GRIK4: variants seen among roughly 807,000 people sequenced by gnomAD.
The protein encoded by GRIK4 is glutamate ionotropic receptor kainate type subunit 4, also known as glutamate receptor ionotropic, kainate 4.
GRIK4 carries 40 observed loss-of-function variants against 104.9 expected under a neutral mutation model. The observed-to-expected ratio is 0.38, with a 90% CI of 0.30 to 0.50. The LOEUF is 0.50. GRIK4 is among the 20% of genes least tolerant of loss of function. GRIK4 has a pLI of 0.93. For missense variants in GRIK4, 1,047 were observed against 1,308.1 expected (o/e 0.80, Z 3.08); for synonymous variants, 485 against 524.9 (o/e 0.92, Z 1.04).
At chr11:120,948,894 T>A (rs534828844) in intron 14 of GRIK4, among the ~76,000 whole-genome samples, 1 of 152,328 alleles carries the variant, frequency 6.6e-6, no homozygotes, top group Admixed American at 6.5e-5. Flanking sequence ...ATTCCTTCCA[T>A]GTTATACAGG....
intron 7 of GRIK4, among the ~76,000 whole-genome samples, chr11:120,834,565 C>T (rs553085288): frequency 1.8e-4 from 28 of 152,050 alleles, no homozygotes; most frequent in African/African-American, 6.3e-4. Context: ...GTACTCTTCC[C>T]TCCAGGAGGG....
Position 120,952,969 on chromosome 11 carries a change from TCTC to T in GRIK4, c.1700+9_1700+11del. On this transcript the variant is annotated splice_donor_region_variant and intron_variant, in intron 15 of 20. Transcript: ENST00000527524. The surrounding 1 kb of genome is among the most constrained non-coding windows in gnomAD (Gnocchi z 5.2). Reference sequence around the variant, plus strand: ...TGTCCTCTTCCTGGTGGCTCGGTACTCTCCTCTTCCCTTCCCTGTCCTTACACC... The same window carrying T: ...TGTCCTCTTCCTGGTGGCTCGGTACTCTCTTCCCTTCCCTGTCCTTACACC... 2 of 1,580,718 alleles carry T rather than the reference TCTC, an allele frequency of 1.3e-6. No homozygotes were observed. The highest frequency in any genetic ancestry group is 8.7e-7 in the Non-Finnish European group (1 of 1,150,308).
At chr11:120,812,152 G>T (rs542051288) in intron 4 of GRIK4, among the ~76,000 whole-genome samples, 1 of 152,246 alleles carries the variant, frequency 6.6e-6, no homozygotes, top group Non-Finnish European at 1.5e-5. Flanking sequence ...CTGGCAGAGA[G>T]TGAGAAGGTC....
Position 120,831,999 on chromosome 11 carries a change from A to C in GRIK4, c.659A>C (p.Asn220Thr), listed in dbSNP as rs559735500. 1.9e-6 allele frequency: 3 copies of C among 1,613,310 alleles called. No individual in the cohort carries two copies. Among genetic ancestry groups the C allele is most frequent in the African/African-American group, 1.3e-5 (1 of 74,954 alleles). Residue 220 changes from asparagine (N) to threonine (T), a missense_variant, in exon 7 of 21, where the codon AAC becomes ACC. Physicochemically the swap from Asn to Thr is moderately conservative, Grantham distance 65. Around this residue, in one of 3 missense-constraint regions of GRIK4, gnomAD observed 447 missense variants for 514.9 expected, o/e 0.87. Transcript: ENST00000527524. ...DKTATIIIHANASMSHTILLK... is the reference protein window; with the variant it reads ...DKTATIIIHATASMSHTILLK... The stretch of plus-strand genomic sequence containing the variant: ...ACCGCCACCATCATCATCCACGCCA[A>C]CGCCTCCATGTCCCACACCATCCTC...
At chr11:120,949,388 A>G (rs1386897247) in intron 14 of GRIK4, among the ~76,000 whole-genome samples, 3 of 152,214 alleles carry the variant, frequency 2.0e-5, no homozygotes, top group East Asian at 1.9e-4. Context: ...GCTGTTGTCT[A>G]ATTTTCAATT....
Position 120,764,862 on chromosome 11 carries a change from G to A in GRIK4, c.83-37831G>A, listed in dbSNP as rs551096171. The stretch of plus-strand genomic sequence containing the variant: ...ATGGGCTTCCCTTTGTGGGTAACCC[G>A]ACCTTTCTCTCTGGCTGCCCTTAAC... On this transcript the variant is annotated intron_variant, in intron 3 of 20. Coordinates refer to ENST00000527524, the MANE Select transcript of GRIK4 (RefSeq NM_014619.5). 9.2e-5 allele frequency among the ~76,000 whole-genome samples: 14 copies of A among 152,252 alleles called. No individual in the cohort carries two copies. The East Asian group carries it at 9.7e-4, about 11-fold the overall frequency.
At chr11:120,639,103 G>GAGA (rs918752271) in intron 1 of GRIK4, among the ~76,000 whole-genome samples, 3 of 152,082 alleles carry the variant, frequency 2.0e-5, no homozygotes, top group Non-Finnish European at 4.4e-5. Context: ...GTGGAGGCAG[G>GAGA]AGAATTGCCT....
Position 120,511,850 on chromosome 11 carries a change from G to A in GRIK4, c.-196G>A. On this transcript the variant is annotated 5_prime_UTR_variant, in exon 1 of 21. Transcript: ENST00000527524. The stretch of plus-strand genomic sequence containing the variant: ...CCCCGCGGCCGGCCCGGCAGCGCCC[G>A]GCCCCCGGCTCAGCCCCCGGAGTGC... 5.7e-6 allele frequency: 2 copies of A among 348,118 alleles called. No homozygotes were observed. Among genetic ancestry groups the A allele is most frequent in the Non-Finnish European group, 1.2e-5 (2 of 171,018 alleles). The allele number at this position is 348,118 out of a possible 1,614,324, so 21.6% of individuals were successfully genotyped here.
At chr11:120,983,198 T>A (rs1240554563) in intron 20 of GRIK4, among the ~76,000 whole-genome samples, 1 of 152,160 alleles carries the variant, frequency 6.6e-6, no homozygotes, top group Non-Finnish European at 1.5e-5. Context: ...GCCCCTGTAT[T>A]TTTTTCTGCC....
chr11:120,855,539 C>A (rs1165088695), intron 8 of GRIK4, among the ~76,000 whole-genome samples: 1 of 150,612 alleles, frequency 6.6e-6, no homozygotes, highest in Non-Finnish European at 1.5e-5. Context: ...AATAGCCAGA[C>A]CAAGCAATTA....
chr11:120,608,195 C>G (rs1948985834), intron 1 of GRIK4, among the ~76,000 whole-genome samples: 1 of 152,172 alleles, frequency 6.6e-6, no homozygotes, highest in African/African-American at 2.4e-5. Context: ...GTCAGGAGGC[C>G]AGCAATGAGG....
intron 3 of GRIK4, among the ~76,000 whole-genome samples, chr11:120,700,986 G>A (rs898006713): frequency 6.6e-6 from 1 of 152,168 alleles, no homozygotes; most frequent in African/African-American, 2.4e-5. Flanking sequence ...CCAGTATTCA[G>A]TACAGTTACA....
intron 1 of GRIK4, among the ~76,000 whole-genome samples, chr11:120,579,130 G>A (rs1298964537): frequency 6.6e-6 from 1 of 152,192 alleles, no homozygotes; most frequent in Non-Finnish European, 1.5e-5. Context: ...TCCCAGCACT[G>A]AGGATCCAGC....
intron 8 of GRIK4, among the ~76,000 whole-genome samples, chr11:120,848,897 G>T (rs1388092853): frequency 6.6e-6 from 1 of 152,126 alleles, no homozygotes; most frequent in East Asian, 1.9e-4. Context: ...GGGACAGGGG[G>T]TGTGAGAACA....
At chr11:120,886,571 G>C (rs1042282613) in intron 11 of GRIK4, among the ~76,000 whole-genome samples, 1 of 152,174 alleles carries the variant, frequency 6.6e-6, no homozygotes, top group African/African-American at 2.4e-5. Flanking sequence ...ATGACCAGAG[G>C]CTCACAGGAA....
chr11:120,988,577 T>C lies in GRIK4; in HGVS notation c.*2317T>C, dbSNP rs1436420170. 1 of 152,230 alleles carries C rather than the reference T, an allele frequency of 6.6e-6. No individual in the cohort carries two copies. The highest frequency in any genetic ancestry group is 1.5e-5 in the Non-Finnish European group (1 of 68,048). The allele number at this position is 152,230 out of a possible 1,614,324, so 9.4% of individuals were successfully genotyped here. A position where few individuals can be genotyped will look rare whatever the true frequency, so the allele number is the denominator to read the frequency against. ...AAGACTGCCAGCACTAGACGGTTTC[T>C]GTTAGCTGCTGAGACCAGGGCCTCA... On this transcript the variant is annotated 3_prime_UTR_variant, in exon 21 of 21. Coordinates refer to ENST00000527524, the MANE Select transcript of GRIK4 (RefSeq NM_014619.5).
In GRIK4 at chr11:120,961,906, A is replaced by C. The variant is rs373583439; in HGVS notation, c.2041-550A>C. On this transcript the variant is annotated intron_variant, in intron 17 of 20. Coordinates refer to ENST00000527524, the MANE Select transcript of GRIK4 (RefSeq NM_014619.5). ...ACAACAGTGAAGTCATCATGCAAAC[A>C]CAGAGTTTGGATAGACCCCCAGAGT... 5.3e-5 allele frequency among the ~76,000 whole-genome samples: 8 copies of C among 152,344 alleles called. No individual in the cohort carries two copies. The East Asian group carries it at 1.5e-3, about 29-fold the overall frequency.
chr11:120,598,871 C>T (rs1045608529), intron 1 of GRIK4, among the ~76,000 whole-genome samples: 1 of 152,224 alleles, frequency 6.6e-6, no homozygotes, highest in South Asian at 2.1e-4. Context: ...TATTTCATGT[C>T]TGTTAATGTC....
intron 6 of GRIK4, among the ~76,000 whole-genome samples, chr11:120,827,041 G>T (rs900993704): frequency 6.6e-6 from 1 of 152,134 alleles, no homozygotes; most frequent in South Asian, 2.1e-4. Context: ...ACCACAATCC[G>T]CAAAGATCAA....
Sources: gnomAD v4.1 joint callset for allele counts (sites outside exome capture counted in the v4.1 genomes callset) on GRCh38, gnomAD v4.1.1 for gene constraint, gnomAD v4.1.1 regional missense constraint, Gnocchi (gnomAD v3.1) non-coding constraint, MANE v1.5 for transcripts, NCBI Gene and HGNC (gene_info 2026-07-23, HGNC 2026-07-21) for gene names.